NOL4: variants seen among roughly 807,000 people sequenced by gnomAD.
The protein encoded by NOL4 is nucleolar protein 4, also known as cancer/testis antigen 125.
A neutral mutation model predicts 75.9 loss-of-function variants in NOL4; 17 were observed. That is an observed-to-expected ratio of 0.22 (90% confidence interval 0.15 to 0.34). NOL4 has a LOEUF of 0.34. Ranked by LOEUF, NOL4 falls within the 10% of genes least tolerant of loss-of-function variation. The pLI, the probability that NOL4 is intolerant of heterozygous loss-of-function variation, is 1.00. For missense variants in NOL4, 614 were observed against 793.5 expected (o/e 0.77, Z 2.72); for synonymous variants, 292 against 289.9 (o/e 1.01, Z -0.07).
intron 9 of NOL4, among the ~76,000 whole-genome samples, chr18:33,907,616 C>A (rs750107272): frequency 6.6e-6 from 1 of 152,042 alleles, no homozygotes; most frequent in African/African-American, 2.4e-5. Context: ...AGGAGTTAAC[C>A]GTTAGCTACT....
intron 5 of NOL4, among the ~76,000 whole-genome samples, chr18:34,057,216 C>T (rs1265124103): frequency 1.3e-5 from 2 of 152,132 alleles, no homozygotes; most frequent in African/African-American, 4.8e-5. Context: ...CTAAAGAAAT[C>T]TACCCCTCCC....
chr18:34,119,359 T>C (rs1469220089), intron 2 of NOL4, among the ~76,000 whole-genome samples: 1 of 152,062 alleles, frequency 6.6e-6, no homozygotes, highest in Non-Finnish European at 1.5e-5. Flanking sequence ...CACCCCCAAA[T>C]CCCCATACTC....
chr18:34,091,195 CAAAAA>C (rs56398038), intron 5 of NOL4, among the ~76,000 whole-genome samples: 4 of 122,742 alleles, frequency 3.3e-5, no homozygotes, highest in African/African-American at 1.2e-4. Flanking sequence ...ACTAAAAATA[CAAAAA>C]AAAAAAAAAA....
chr18:34,132,127 T>A lies in NOL4; in HGVS notation c.265-2107A>T, dbSNP rs560986877. Among the ~76,000 whole-genome samples, 11 of 152,326 alleles carry A rather than the reference T, an allele frequency of 7.2e-5. No homozygotes were observed. In the East Asian group the frequency reaches 2.1e-3, roughly 29 times the overall value. ...CAGCATTTCACAGCTTGAGGCTGCA[T>A]TATATTACCATTGTCTCTTCTGTGC... On this transcript the variant is annotated intron_variant, in intron 1 of 10. Transcript: ENST00000261592.
At chr18:34,184,695 A>C (rs149704542) in intron 1 of NOL4, among the ~76,000 whole-genome samples, 1,624 of 152,260 alleles carry the variant, frequency 0.011, 33 homozygotes, top group African/African-American at 0.038. Flanking sequence ...AATTCACAAA[A>C]CATTAGGGGA....
intron 1 of NOL4, among the ~76,000 whole-genome samples, chr18:34,131,469 C>A (rs2080647633): frequency 6.6e-6 from 1 of 152,068 alleles, no homozygotes; most frequent in African/African-American, 2.4e-5. Flanking sequence ...GAGAGAATAA[C>A]CACCTTTCCT....
At chr18:34,221,614 A>AC (rs1211890397) in intron 1 of NOL4, 2 of 153,980 alleles carry the variant, frequency 1.3e-5, no homozygotes, top group African/African-American at 4.8e-5. Flanking sequence ...TAAAAAAAAA[A>AC]AAAAAACCAC....
At chr18:33,891,276 G>A (rs866134974) in intron 9 of NOL4, among the ~76,000 whole-genome samples, 3 of 152,018 alleles carry the variant, frequency 2.0e-5, no homozygotes, top group Non-Finnish European at 4.4e-5. Context: ...TGGGGGAAAT[G>A]GCTCAGTGTC....
intron 9 of NOL4, among the ~76,000 whole-genome samples, chr18:33,909,428 C>T (rs1224842554): frequency 6.6e-6 from 1 of 152,158 alleles, no homozygotes; most frequent in East Asian, 1.9e-4. Context: ...CTGGACATAA[C>T]AACCTACATA....
intron 8 of NOL4, among the ~76,000 whole-genome samples, chr18:33,944,841 A>T (rs545494363): frequency 6.6e-6 from 1 of 152,000 alleles, no homozygotes; most frequent in South Asian, 2.1e-4. Flanking sequence ...TCTCTACTTC[A>T]CTAAGTATAA....
chr18:33,909,736 C>T (rs2066278351), intron 9 of NOL4, among the ~76,000 whole-genome samples: 1 of 151,914 alleles, frequency 6.6e-6, no homozygotes, highest in African/African-American at 2.4e-5. Flanking sequence ...CATCTGGGTG[C>T]TGGGAATATA....
intron 1 of NOL4, among the ~76,000 whole-genome samples, chr18:34,219,616 G>A (rs888723233): frequency 3.9e-5 from 6 of 152,162 alleles, no homozygotes; most frequent in Non-Finnish European, 5.9e-5. Flanking sequence ...TAAAACTATC[G>A]CTGCTTAAAA....
intron 1 of NOL4, among the ~76,000 whole-genome samples, chr18:34,204,243 C>G (rs557143711): frequency 6.6e-6 from 1 of 152,214 alleles, no homozygotes; most frequent in East Asian, 1.9e-4. Flanking sequence ...TGCTCTTTGA[C>G]AGTGAGTTCT....
chr18:33,955,100 A>T (rs568229762), intron 8 of NOL4, among the ~76,000 whole-genome samples: 106 of 152,210 alleles, frequency 7.0e-4, no homozygotes, highest in Non-Finnish European at 1.2e-3. Context: ...GACAAAGAGA[A>T]ACACATAGTT....
chr18:34,043,052 G>A (rs1055655929), intron 5 of NOL4, among the ~76,000 whole-genome samples: 2 of 152,020 alleles, frequency 1.3e-5, no homozygotes, highest in African/African-American at 4.8e-5. Context: ...ACAAATAAAT[G>A]AGTTCATGTT....
intron 6 of NOL4, among the ~76,000 whole-genome samples, chr18:34,011,919 C>A (rs1414751879): frequency 1.3e-5 from 2 of 151,864 alleles, no homozygotes; most frequent in Non-Finnish European, 2.9e-5. Context: ...ACTCAAAATG[C>A]ACATTTCACC....
At chr18:34,082,368 AG>A (rs1467836055) in intron 5 of NOL4, among the ~76,000 whole-genome samples, 1 of 152,074 alleles carries the variant, frequency 6.6e-6, no homozygotes, top group African/African-American at 2.4e-5. Context: ...TACCAGAAAA[AG>A]AAAAAAAAAA....
Position 33,852,860 on chromosome 18 carries a change from G to T in NOL4, c.1899C>A (p.Leu633=). Residue 633 remains leucine (L), a synonymous_variant, in exon 11 of 11, where the codon CTC becomes CTA. Transcript: ENST00000261592. ...GTCTGTCTCAGTTCTGTTGTAAAAT[G>T]AGATTTTCCAGTTCATCTGCAGATC... ...LLRSADELEN[L]ILQQN 6.2e-7 allele frequency: 1 copy of T among 1,612,364 alleles called. No individual in the cohort carries two copies. The highest frequency in any genetic ancestry group is 1.1e-5 in the South Asian group (1 of 90,994).
intron 9 of NOL4, among the ~76,000 whole-genome samples, chr18:33,929,538 C>T (rs1299716654): frequency 6.6e-6 from 1 of 152,104 alleles, no homozygotes; most frequent in East Asian, 1.9e-4. Context: ...GCCATTATGT[C>T]TTATTCATAT....
Sources: gnomAD v4.1 joint callset for allele counts (sites outside exome capture counted in the v4.1 genomes callset) on GRCh38, gnomAD v4.1.1 for gene constraint, MANE v1.5 for transcripts, NCBI Gene and HGNC (gene_info 2026-07-23, HGNC 2026-07-21) for gene names.